PLS3: variants seen among roughly 807,000 people sequenced by gnomAD.
PLS3 encodes plastin-3.
PLS3 carries 11 observed loss-of-function variants against 46.5 expected under a neutral mutation model. The ratio of observed to expected loss-of-function variants is 0.24; its 90% CI spans 0.15 to 0.39. The LOEUF (loss-of-function observed/expected upper bound fraction) is 0.39. Among genes scored for constraint, PLS3 ranks in the 10% least tolerant of loss-of-function variants. PLS3 has a pLI of 1.00. For missense variants in PLS3, 308 were observed against 461.8 expected (o/e 0.67, Z 3.05); for synonymous variants, 167 against 162.2 (o/e 1.03, Z -0.22).
chrX:115,632,624 C>G (rs782533308), intron 5 of PLS3, among the ~76,000 whole-genome samples: 2 of 111,462 alleles, frequency 1.8e-5, no homozygotes, highest in African/African-American at 3.2e-5. Context: ...TTGAGGCACT[C>G]GGTAAACATT....
intron 9 of PLS3, among the ~76,000 whole-genome samples, chrX:115,641,677 G>A (rs782516119): frequency 6.9e-4 from 77 of 111,486 alleles, no homozygotes; most frequent in African/African-American, 2.1e-3. Context: ...GAAGGGAGCT[G>A]TCTGGGTTGG....
chrX:115,629,274 C>G lies in PLS3; in HGVS notation c.314C>G (p.Ala105Gly). The G allele has an allele frequency of 8.3e-7, 1 of 1,205,792 alleles. No individual in the cohort carries two copies. The highest frequency in any genetic ancestry group is 1.7e-5 in the African/African-American group (1 of 57,699). ...KAINRKEGIC[A>G]LGGTSELSSE... ...ATCAACAGGAAAGAAGGTATTTGTGCTCTGGGTGGAACTTCAGAGTTGTCC... is the reference window on the plus strand; with the variant it reads ...ATCAACAGGAAAGAAGGTATTTGTGGTCTGGGTGGAACTTCAGAGTTGTCC... The change falls in exon 4 of 16, where the codon GCT becomes GGT. Residue 105 changes from alanine (A) to glycine (G), a missense_variant. Ala to Gly is a moderately conservative substitution (Grantham distance 60, BLOSUM62 0). Coordinates refer to ENST00000355899, the MANE Select transcript of PLS3 (RefSeq NM_005032.7).
rs1602441665 is a variant in PLS3 at position 115,647,607 on chromosome X, C to A, written c.1569C>A (p.Ile523=). 7 of 1,201,266 alleles carry A rather than the reference C, an allele frequency of 5.8e-6. No homozygotes were observed. The highest frequency in any genetic ancestry group is 7.9e-6 in the Non-Finnish European group (7 of 886,055). ...ATGGTCAGAAAGCCAATGACGACAT[C>A]ATTGTGAACTGGGTGAACAGAACGT... The part of the protein sequence containing the change: ...LGDGQKANDD[I]IVNWVNRTLS... Residue 523 remains isoleucine, a synonymous_variant, in exon 14 of 16, where the codon ATC becomes ATA. Transcript: ENST00000355899.
chrX:115,612,901 C>T (rs782169858), intron 2 of PLS3, among the ~76,000 whole-genome samples: 1 of 111,950 alleles, frequency 8.9e-6, no homozygotes, highest in African/African-American at 3.2e-5. Flanking sequence ...CGTTAGTTAT[C>T]AGTTTTTGTA....
chrX:115,639,576 C>T (rs1355015315), intron 8 of PLS3: 12 of 267,672 alleles, frequency 4.5e-5, no homozygotes, highest in African/African-American at 3.1e-4. Flanking sequence ...CTATTAATAT[C>T]GTAGCTGGAA....
chrX:115,618,095 A>G (rs1367209017), intron 2 of PLS3, among the ~76,000 whole-genome samples: 1 of 110,690 alleles, frequency 9.0e-6, no homozygotes, highest in Non-Finnish European at 1.9e-5. Context: ...CCCAGCCACC[A>G]GACCTGTAGT....
intron 1 of PLS3, among the ~76,000 whole-genome samples, chrX:115,586,514 CA>C (rs781961769): frequency 0.048 from 2,962 of 62,296 alleles, 105 homozygotes; most frequent in African/African-American, 0.12. Flanking sequence ...ACTAAAAATA[CA>C]AAAAAAAAAA....
At chrX:115,601,762 C>A (rs2074446659) in intron 1 of PLS3, among the ~76,000 whole-genome samples, 4 of 111,569 alleles carry the variant, frequency 3.6e-5, no homozygotes, top group Admixed American at 9.5e-5. Flanking sequence ...GTTGACTGAT[C>A]CTCCCTTTGT....
At chrX:115,613,977 A>G (rs1268098423) in intron 2 of PLS3, among the ~76,000 whole-genome samples, 3 of 109,752 alleles carry the variant, frequency 2.7e-5, no homozygotes, top group East Asian at 2.9e-4. Context: ...TTTTTTGTTT[A>G]TTTATTTTTT....
At chrX:115,589,570 T>C (rs1556632845) in intron 1 of PLS3, among the ~76,000 whole-genome samples, 1 of 111,949 alleles carries the variant, frequency 8.9e-6, no homozygotes, top group African/African-American at 3.3e-5. Flanking sequence ...AAAAAAACTG[T>C]TTCATGAAAG....
intron 1 of PLS3, among the ~76,000 whole-genome samples, chrX:115,594,920 C>A (rs1165243928): frequency 1.8e-5 from 2 of 111,059 alleles, no homozygotes; most frequent in Admixed American, 1.9e-4. Context: ...CTATTTCAAT[C>A]TAAGAAGTTA....
chrX:115,619,119 G>A (rs2074624856), intron 2 of PLS3, among the ~76,000 whole-genome samples: 1 of 111,782 alleles, frequency 8.9e-6, no homozygotes, highest in Admixed American at 9.5e-5. Context: ...GTGAGGGGAG[G>A]GTTGTGAAGT....
rs782474846 is a variant in PLS3, at chrX:115,606,290, A to G, written c.-8-3953A>G. Among the ~76,000 whole-genome samples the G allele has an allele frequency of 1.4e-3, 133 of 97,661 alleles. 1 individual carries two copies. Among genetic ancestry groups the G allele is most frequent in the African/African-American group, 4.9e-3 (129 of 26,208 alleles). The allele number at this position is 97,661 out of a possible 115,157, so 84.8% of individuals were successfully genotyped here. A position where few individuals can be genotyped will look rare whatever the true frequency, so the allele number is the denominator to read the frequency against. On this transcript the variant is annotated intron_variant, in intron 1 of 15. Transcript: ENST00000355899. ...GTAGCTGGGATTACAGGCACGCACC[A>G]CCACTCCTGGATAAGTTTTGCATTT...
intron 1 of PLS3, among the ~76,000 whole-genome samples, chrX:115,578,549 C>G (rs1475639097): frequency 9.2e-6 from 1 of 109,057 alleles, no homozygotes; most frequent in African/African-American, 3.4e-5. Context: ...CACGGTGAAA[C>G]CTCGTCCCTA....
intron 1 of PLS3, among the ~76,000 whole-genome samples, chrX:115,594,965 G>A (rs1004247396): frequency 1.1e-4 from 12 of 110,857 alleles, no homozygotes; most frequent in Admixed American, 1.9e-4. Flanking sequence ...GCTAGGGGAA[G>A]GAGAGGTGTC....
At chrX:115,599,824 G>A (rs782611033) in intron 1 of PLS3, among the ~76,000 whole-genome samples, 3 of 109,182 alleles carry the variant, frequency 2.7e-5, no homozygotes, top group Non-Finnish European at 3.8e-5. Flanking sequence ...GTAGAGACGG[G>A]GCTTCACCAT....
At chrX:115,607,271 A>C (rs1013406912) in intron 1 of PLS3, among the ~76,000 whole-genome samples, 2 of 7,279 alleles carry the variant, frequency 2.7e-4, no homozygotes, top group Admixed American at 6.1e-3. Context: ...CAATAAACAA[A>C]CAACAACAAC....
chrX:115,614,573 C>G, intron 2 of PLS3: 1 of 747,997 alleles, frequency 1.3e-6, no homozygotes, highest in Non-Finnish European at 1.6e-6. Context: ...TTTAGCTAAG[C>G]ATCTGGAGAT....
intron 10 of PLS3, among the ~76,000 whole-genome samples, chrX:115,643,915 T>C (rs1325517376): frequency 9.0e-6 from 1 of 111,525 alleles, no homozygotes; most frequent in Admixed American, 9.6e-5. Flanking sequence ...GAGGTTACAG[T>C]GAGCCGAGAT....
Sources: allele counts gnomAD v4.1 joint callset (sites outside exome capture counted in the v4.1 genomes callset), GRCh38; gene constraint gnomAD v4.1.1; transcripts MANE v1.5; gene names NCBI Gene and HGNC (gene_info 2026-07-23, HGNC 2026-07-21).